PGP: variants seen among roughly 807,000 people sequenced by gnomAD.
PGP encodes the protein aspartate-based ubiquitous Mg(2+)-dependent phosphatase.
In PGP, 9 loss-of-function variants were observed where a neutral mutation model predicts 19.3. The ratio of observed to expected loss-of-function variants is 0.47; its 90% CI spans 0.28 to 0.81. The LOEUF (loss-of-function observed/expected upper bound fraction) is 0.81, where lower values mean the gene tolerates loss of function less well. Among genes scored for constraint, PGP ranks in the 40% least tolerant of loss-of-function variants. The pLI is 0.11. For synonymous variants in PGP, 308 were observed against 226.8 expected (o/e 1.36, Z -3.22); for missense variants, 403 against 479.9 (o/e 0.84, Z 1.50).
Position 2,214,630 on chromosome 16 carries a change from G to A in PGP, c.148C>T (p.Pro50Ser). 3.5e-6 allele frequency: 5 copies of A among 1,448,600 alleles called. No individual in the cohort carries two copies. Among genetic ancestry groups the A allele is most frequent in the Non-Finnish European group, 4.5e-6 (5 of 1,103,548 alleles). The allele number at this position is 1,448,600 out of a possible 1,614,324, so 89.7% of individuals were successfully genotyped here. ...GCTCGCAGCGCCCGCAGGGCCTCGGGCGCGCCAGGCACGGCGGTCTCCCCG... is the reference window on the plus strand; with the variant it reads ...GCTCGCAGCGCCCGCAGGGCCTCGGACGCGCCAGGCACGGCGGTCTCCCCG... ...WRGETAVPGAPEALRALRARG... is the reference protein window; with the variant it reads ...WRGETAVPGASEALRALRARG... Residue 50 changes from proline to serine, a missense_variant, in exon 1 of 2, where the codon CCC (proline) becomes TCC (serine). Coordinates refer to ENST00000333503, the MANE Select transcript of PGP (RefSeq NM_001042371.3). The surrounding 1 kb of genome is among the most constrained non-coding windows in gnomAD (Gnocchi z 7.1).
In PGP at chr16:2,214,373, G is replaced by A. The variant is rs1375636223; in HGVS notation, c.405C>T (p.Ala135=). 6.8e-7 allele frequency: 1 copy of A among 1,480,276 alleles called. No individual in the cohort carries two copies. Among genetic ancestry groups the A allele is most frequent in the Non-Finnish European group, 8.9e-7 (1 of 1,125,446 alleles). The allele number at this position is 1,480,276 out of a possible 1,614,324, so 91.7% of individuals were successfully genotyped here. Residue 135 remains alanine (A), a synonymous_variant, in exon 1 of 2, where the codon GCC becomes GCT. Transcript: ENST00000333503. This position sits in a 1 kb window ranked among gnomAD's most constrained non-coding sequence, Gnocchi z 7.1. The part of the protein sequence containing the change: ...GSPALAAELE[A]VGVASVGVGP... Reference sequence around the variant, plus strand: ...CCACGCCCACGCTGGCGACGCCCACGGCCTCCAGCTCCGCGGCCAGGGCTG... The same window carrying A: ...CCACGCCCACGCTGGCGACGCCCACAGCCTCCAGCTCCGCGGCCAGGGCTG...
Position 2,213,258 on chromosome 16 carries a change from A to C in PGP, c.*470T>G, listed in dbSNP as rs1027079065. Reference sequence around the variant, plus strand: ...CTGCTGGGAGGCACAGGGACACAGAAGGCTCCGCTGGACTTTCAGTCATAC... The same window carrying C: ...CTGCTGGGAGGCACAGGGACACAGACGGCTCCGCTGGACTTTCAGTCATAC... On this transcript the variant is annotated 3_prime_UTR_variant, in exon 2 of 2. Transcript: ENST00000333503. The C allele has an allele frequency of 2.1e-5, 21 of 985,896 alleles. No homozygotes were observed. The highest frequency in any genetic ancestry group is 2.5e-5 in the Non-Finnish European group (21 of 830,216). The allele number at this position is 985,896 out of a possible 1,614,324, so 61.1% of individuals were successfully genotyped here. A position where few individuals can be genotyped will look rare whatever the true frequency, so the allele number is the denominator to read the frequency against.
In PGP at chr16:2,213,459, A is replaced by AGCCTGC; in HGVS notation, c.*263_*268dup. ...TTACCTGAATCCCGGACAGGTGCAG[A>AGCCTGC]GCCTGCCCCTGCCAACCCCACCCAA... On this transcript the variant is annotated 3_prime_UTR_variant, in exon 2 of 2. Transcript: ENST00000333503. 2.5e-6 allele frequency: 2 copies of AGCCTGC among 792,072 alleles called. No homozygotes were observed. The highest frequency in any genetic ancestry group is 3.3e-6 in the Non-Finnish European group (2 of 600,944). 49.1% of individuals were successfully genotyped at this position (792,072 alleles called of 1,614,324 possible). A position where few individuals can be genotyped will look rare whatever the true frequency, so the allele number is the denominator to read the frequency against.
In PGP at chr16:2,214,225, G is replaced by T; in HGVS notation, c.553C>A (p.Leu185Met). Residue 185 changes from leucine to methionine, a missense_variant, in exon 1 of 2, where the codon CTG (leucine) becomes ATG (methionine). By Grantham distance (15) the Leu-to-Met change is conservative. Coordinates refer to ENST00000333503, the MANE Select transcript of PGP (RefSeq NM_001042371.3). The surrounding 1 kb of genome is among the most constrained non-coding windows in gnomAD (Gnocchi z 7.1). The stretch of plus-strand genomic sequence containing the variant: ...CAGCCGGGCTGCTGCAGGTAGCGCA[G>T]GGCCTTGGTGAGCTTCATGTAGCTG... ...HFSYMKLTKA[L>M]RYLQQPGCLL... is the part of the protein sequence containing the mutation. 1 of 1,594,854 alleles carries T rather than the reference G, an allele frequency of 6.3e-7. No individual in the cohort carries two copies. The highest frequency in any genetic ancestry group is 8.5e-7 in the Non-Finnish European group (1 of 1,178,664).
Position 2,212,966 on chromosome 16 carries a change from A to AC in PGP, c.*761_*762insG. The AC allele has an allele frequency of 2.6e-5, 26 of 985,514 alleles. No homozygotes were observed. Among genetic ancestry groups the AC allele is most frequent in the Non-Finnish European group, 3.0e-5 (25 of 829,950 alleles). The allele number at this position is 985,514 out of a possible 1,614,324, so 61.0% of individuals were successfully genotyped here. ...CTGAGCTCCCTGCACTGCAGCCCGG[A>AC]GTTCAGTGAAGGCGTCCACGCCATG... On this transcript the variant is annotated 3_prime_UTR_variant, in exon 2 of 2. Coordinates refer to ENST00000333503, the MANE Select transcript of PGP (RefSeq NM_001042371.3).
rs192654577 is a variant in PGP at position 2,213,092 on chromosome 16, C to T, written c.*636G>A. On this transcript the variant is annotated 3_prime_UTR_variant, in exon 2 of 2. Transcript: ENST00000333503. The stretch of plus-strand genomic sequence containing the variant: ...AGAACTGGGCAGCAGCCCTGGGTAT[C>T]TGAAACGGAACAGACACTCAGTTGT... 5 of 985,532 alleles carry T rather than the reference C, an allele frequency of 5.1e-6. No homozygotes were observed. Among genetic ancestry groups the T allele is most frequent in the Non-Finnish European group, 4.8e-6 (4 of 829,960 alleles). The allele number at this position is 985,532 out of a possible 1,614,324, so 61.0% of individuals were successfully genotyped here.
At position 2,212,701 on chromosome 16, in the gene PGP, ATGAC is replaced by A. The variant is rs1369976358; in HGVS notation, c.*1023_*1026del. The A allele has an allele frequency of 4.3e-5, 42 of 985,362 alleles. No individual in the cohort carries two copies. Among genetic ancestry groups the A allele is most frequent in the Non-Finnish European group, 4.9e-5 (41 of 829,952 alleles). 61.0% of individuals were successfully genotyped at this position (985,362 alleles called of 1,614,324 possible). ...CTCTCGTCCCCTCCCAGAGCCCTGG[ATGAC>A]TGACAGGCATTCCTTGGCCAACACA... On this transcript the variant is annotated 3_prime_UTR_variant, in exon 2 of 2. Coordinates refer to ENST00000333503, the MANE Select transcript of PGP (RefSeq NM_001042371.3).
chr16:2,214,800 C>CCCGCCGG lies in PGP; in HGVS notation c.-30_-24dup, dbSNP rs1388467532. The stretch of plus-strand genomic sequence containing the variant: ...CATCGCCGCCCGCCGGCCGCCGCCG[C>CCCGCCGG]CCGCCGGCCGCTCCTCGCAGCCGCC... On this transcript the variant is annotated 5_prime_UTR_variant, in exon 1 of 2. Transcript: ENST00000333503. The surrounding 1 kb of genome is among the most constrained non-coding windows in gnomAD (Gnocchi z 7.1). The CCCGCCGG allele has an allele frequency of 1.1e-6, 1 of 869,590 alleles. No homozygotes were observed. The highest frequency in any genetic ancestry group is 1.4e-6 in the Non-Finnish European group (1 of 726,022). 53.9% of individuals were successfully genotyped at this position (869,590 alleles called of 1,614,324 possible). A position where few individuals can be genotyped will look rare whatever the true frequency, so the allele number is the denominator to read the frequency against.
rs2093380174 is a variant in PGP, at chr16:2,213,360, C to G, written c.*368G>C. The G allele has an allele frequency of 1.0e-6, 1 of 998,064 alleles. No individual in the cohort carries two copies. The highest frequency in any genetic ancestry group is 6.0e-5 in the Admixed American group (1 of 16,624). The allele number at this position is 998,064 out of a possible 1,614,324, so 61.8% of individuals were successfully genotyped here. A position where few individuals can be genotyped will look rare whatever the true frequency, so the allele number is the denominator to read the frequency against. On this transcript the variant is annotated 3_prime_UTR_variant, in exon 2 of 2. Coordinates refer to ENST00000333503, the MANE Select transcript of PGP (RefSeq NM_001042371.3). ...CCCTCTGCCCCCTGAGGGGCTGGAT[C>G]CCTGAATGAGTTTTTCAATAAAATA...
chr16:2,212,524 G>GC lies in PGP; in HGVS notation c.*1203dup. On this transcript the variant is annotated 3_prime_UTR_variant, in exon 2 of 2. Coordinates refer to ENST00000333503, the MANE Select transcript of PGP (RefSeq NM_001042371.3). ...AGAACCTTGGCGAGCTGGTGGCCCT[G>GC]CCAAGTCCTGCTGGCCACTGAAGAG... The GC allele has an allele frequency of 1.0e-6, 1 of 985,562 alleles. No homozygotes were observed. Among genetic ancestry groups the GC allele is most frequent in the South Asian group, 4.7e-5 (1 of 21,294 alleles). 61.1% of individuals were successfully genotyped at this position (985,562 alleles called of 1,614,324 possible).
chr16:2,213,752 G>T lies in PGP; in HGVS notation c.942C>A (p.Asp314Glu). Residue 314 changes from aspartate (D) to glutamate (E), a missense_variant, in exon 2 of 2, where the codon GAC becomes GAA. Physicochemically the swap from Asp to Glu is conservative, Grantham distance 45 (BLOSUM62 2). Coordinates refer to ENST00000333503, the MANE Select transcript of PGP (RefSeq NM_001042371.3). ...VPDFYVDSIADLLPALQG is the reference protein window; with the variant it reads ...VPDFYVDSIAELLPALQG ...TTTAACCTTGAAGGGCAGGCAAAAGGTCGGCTATGCTGTCAACATAGAAGT... is the reference window on the plus strand; with the variant it reads ...TTTAACCTTGAAGGGCAGGCAAAAGTTCGGCTATGCTGTCAACATAGAAGT... 1 of 1,546,022 alleles carries T rather than the reference G, an allele frequency of 6.5e-7. No individual in the cohort carries two copies. The highest frequency in any genetic ancestry group is 8.8e-7 in the Non-Finnish European group (1 of 1,141,806).
At position 2,211,762 on chromosome 16, in the gene PGP, A is replaced by G. The variant is rs2141402649; in HGVS notation, c.*1966T>C. ...TGCTCCCTGCCCTGGGCGCTCTGAC[A>G]CGGCAGCCCACCAGCTTCACTCCAG... On this transcript the variant is annotated 3_prime_UTR_variant, in exon 2 of 2. Transcript: ENST00000333503. The G allele has an allele frequency of 2.0e-6, 2 of 985,362 alleles. No homozygotes were observed. The highest frequency in any genetic ancestry group is 2.4e-6 in the Non-Finnish European group (2 of 829,986). 61.0% of individuals were successfully genotyped at this position (985,362 alleles called of 1,614,324 possible). A position where few individuals can be genotyped will look rare whatever the true frequency, so the allele number is the denominator to read the frequency against.
chr16:2,213,486 G>T lies in PGP; in HGVS notation c.*242C>A. 1.5e-6 allele frequency: 1 copy of T among 684,464 alleles called. No homozygotes were observed. Among genetic ancestry groups the T allele is most frequent in the Non-Finnish European group, 2.1e-6 (1 of 485,098 alleles). 42.4% of individuals were successfully genotyped at this position (684,464 alleles called of 1,614,324 possible). A position where few individuals can be genotyped will look rare whatever the true frequency, so the allele number is the denominator to read the frequency against. ...CCTGCCCCTGCCAACCCCACCCAAG[G>T]CCCAGAACCCAGCCCACAACGCCTT... On this transcript the variant is annotated 3_prime_UTR_variant, in exon 2 of 2. Coordinates refer to ENST00000333503, the MANE Select transcript of PGP (RefSeq NM_001042371.3).
rs1009941814 is a variant in PGP, at chr16:2,214,764, T to TCCG, written c.11_13dup (p.Ala4dup). The TCCG allele has an allele frequency of 2.5e-5, 28 of 1,126,724 alleles. No individual in the cohort carries two copies. In the Admixed American group the frequency reaches 1.1e-3, roughly 44 times the overall value. The allele number at this position is 1,126,724 out of a possible 1,614,324, so 69.8% of individuals were successfully genotyped here. A position where few individuals can be genotyped will look rare whatever the true frequency, so the allele number is the denominator to read the frequency against. ...GCAGCGGGCGTCGTCGCCACCGGCC[T>TCCG]CCGCCGCCGCCATCGCCGCCCGCCG... On this transcript the variant is annotated inframe_insertion, in exon 1 of 2. Transcript: ENST00000333503. This position sits in a 1 kb window ranked among gnomAD's most constrained non-coding sequence, Gnocchi z 7.1.
Position 2,212,325 on chromosome 16 carries a change from G to A in PGP, c.*1403C>T. 1.0e-6 allele frequency: 1 copy of A among 986,102 alleles called. No homozygotes were observed. The highest frequency in any genetic ancestry group is 1.2e-6 in the Non-Finnish European group (1 of 830,186). 61.1% of individuals were successfully genotyped at this position (986,102 alleles called of 1,614,324 possible). A position where few individuals can be genotyped will look rare whatever the true frequency, so the allele number is the denominator to read the frequency against. ...ATTGCTCTGAAGTCTTTGTGACCAA[G>A]TGGAGTGCTGTGACTGTGGGGCCAA... is the stretch of plus-strand genomic sequence containing the variant. On this transcript the variant is annotated 3_prime_UTR_variant, in exon 2 of 2. Coordinates refer to ENST00000333503, the MANE Select transcript of PGP (RefSeq NM_001042371.3).
rs1472164862 is a variant in PGP, at chr16:2,214,419, T to C, written c.359A>G (p.Lys120Arg). The C allele has an allele frequency of 1.0e-5, 14 of 1,336,682 alleles. No homozygotes were observed. Among genetic ancestry groups the C allele is most frequent in the Non-Finnish European group, 1.3e-5 (14 of 1,053,360 alleles). 82.8% of individuals were successfully genotyped at this position (1,336,682 alleles called of 1,614,324 possible). A position where few individuals can be genotyped will look rare whatever the true frequency, so the allele number is the denominator to read the frequency against. ...GGCTGGGCTGCCCAGCACGTAGGCC[T>C]TGGGCGCGGGGGCGCCGGCCAGGCG... is the stretch of plus-strand genomic sequence containing the variant. The part of the protein sequence containing the change: ...RQRLAGAPAP[K>R]AYVLGSPALA... The change falls in exon 1 of 2, where the codon AAG becomes AGG. Residue 120 changes from lysine (K) to arginine (R), a missense_variant. Physicochemically the swap from Lys to Arg is conservative, Grantham distance 26. Transcript: ENST00000333503. The surrounding 1 kb of genome is among the most constrained non-coding windows in gnomAD (Gnocchi z 7.1).
At position 2,214,436 on chromosome 16, in the gene PGP, G is replaced by A. The variant is rs939812025; in HGVS notation, c.342C>T (p.Ala114=). 1 of 1,330,814 alleles carries A rather than the reference G, an allele frequency of 7.5e-7. No homozygotes were observed. The highest frequency in any genetic ancestry group is 9.5e-7 in the Non-Finnish European group (1 of 1,049,700). 82.4% of individuals were successfully genotyped at this position (1,330,814 alleles called of 1,614,324 possible). Reference sequence around the variant, plus strand: ...CGTAGGCCTTGGGCGCGGGGGCGCCGGCCAGGCGCTGGCGCAGGTAGAGCG... The same window carrying A: ...CGTAGGCCTTGGGCGCGGGGGCGCCAGCCAGGCGCTGGCGCAGGTAGAGCG... ...CTALYLRQRL[A]GAPAPKAYVL... Residue 114 remains alanine (A), a synonymous_variant, in exon 1 of 2, where the codon GCC becomes GCT. Coordinates refer to ENST00000333503, the MANE Select transcript of PGP (RefSeq NM_001042371.3). This position sits in a 1 kb window ranked among gnomAD's most constrained non-coding sequence, Gnocchi z 7.1.
At position 2,214,802 on chromosome 16, in the gene PGP, C is replaced by A. The variant is rs1476384195; in HGVS notation, c.-25G>T. 1.2e-6 allele frequency: 1 copy of A among 861,294 alleles called. No homozygotes were observed. Among genetic ancestry groups the A allele is most frequent in the Admixed American group, 6.4e-5 (1 of 15,674 alleles). The allele number at this position is 861,294 out of a possible 1,614,324, so 53.4% of individuals were successfully genotyped here. A position where few individuals can be genotyped will look rare whatever the true frequency, so the allele number is the denominator to read the frequency against. On this transcript the variant is annotated 5_prime_UTR_variant, in exon 1 of 2. Coordinates refer to ENST00000333503, the MANE Select transcript of PGP (RefSeq NM_001042371.3). This position sits in a 1 kb window ranked among gnomAD's most constrained non-coding sequence, Gnocchi z 7.1. ...TCGCCGCCCGCCGGCCGCCGCCGCC[C>A]GCCGGCCGCTCCTCGCAGCCGCCCG...
In PGP at chr16:2,213,484, A is replaced by G; in HGVS notation, c.*244T>C. 1.5e-6 allele frequency: 1 copy of G among 670,474 alleles called. No individual in the cohort carries two copies. The highest frequency in any genetic ancestry group is 2.1e-6 in the Non-Finnish European group (1 of 480,014). 41.5% of individuals were successfully genotyped at this position (670,474 alleles called of 1,614,324 possible). A position where few individuals can be genotyped will look rare whatever the true frequency, so the allele number is the denominator to read the frequency against. On this transcript the variant is annotated 3_prime_UTR_variant, in exon 2 of 2. Coordinates refer to ENST00000333503, the MANE Select transcript of PGP (RefSeq NM_001042371.3). ...AGCCTGCCCCTGCCAACCCCACCCA[A>G]GGCCCAGAACCCAGCCCACAACGCC...
Sources: gnomAD v4.1 joint callset for allele counts on GRCh38, gnomAD v4.1.1 for gene constraint, Gnocchi (gnomAD v3.1) non-coding constraint, MANE v1.5 for transcripts, NCBI Gene and HGNC (gene_info 2026-07-23, HGNC 2026-07-21) for gene names.